COL22A1: variants seen among roughly 807,000 people sequenced by gnomAD.
COL22A1 encodes collagen alpha-1(XXII) chain.
A neutral mutation model predicts 248.9 loss-of-function variants in COL22A1; 221 were observed. That is an observed-to-expected ratio of 0.89 (90% CI 0.80 to 0.99). COL22A1 has a LOEUF of 0.99. COL22A1 is among the 50% of genes least tolerant of loss of function. The pLI is 0.00. For synonymous variants in COL22A1, 891 were observed against 793.4 expected (o/e 1.12, Z -2.07); for missense variants, 2,240 against 2,179.0 (o/e 1.03, Z -0.56).
At chr8:138,626,744 C>T (rs1403879649) in intron 50 of COL22A1, among the ~76,000 whole-genome samples, 3 of 152,252 alleles carry the variant, frequency 2.0e-5, no homozygotes, top group South Asian at 2.1e-4. Context: ...TCCAGAGGCT[C>T]CTACATGTTT....
chr8:138,734,884 GA>G (rs1830990407), intron 23 of COL22A1, among the ~76,000 whole-genome samples: 1 of 152,190 alleles, frequency 6.6e-6, no homozygotes, highest in African/African-American at 2.4e-5. Context: ...GATGAAGCTG[GA>G]AATCATCATT....
chr8:138,705,821 A>C (rs1352113280), intron 30 of COL22A1, among the ~76,000 whole-genome samples: 2 of 152,232 alleles, frequency 1.3e-5, no homozygotes, highest in Admixed American at 6.5e-5. Flanking sequence ...GCTCCAATTA[A>C]AAGACACAGA....
intron 62 of COL22A1, among the ~76,000 whole-genome samples, chr8:138,595,077 G>T (rs1285995026): frequency 6.6e-6 from 1 of 152,028 alleles, no homozygotes; most frequent in African/African-American, 2.4e-5. Flanking sequence ...CTGCTATTTT[G>T]CAGACAGTGT....
intron 30 of COL22A1, among the ~76,000 whole-genome samples, chr8:138,709,679 C>T (rs1828786847): frequency 6.6e-6 from 1 of 151,732 alleles, no homozygotes; most frequent in Non-Finnish European, 1.5e-5. Context: ...GGAGATATAC[C>T]TAATGTAAAT....
In COL22A1 at chr8:138,613,857, C is replaced by T. The variant is rs778061080; in HGVS notation, c.3978+10G>A. On this transcript the variant is annotated intron_variant, in intron 56 of 64. Coordinates refer to ENST00000303045, the MANE Select transcript of COL22A1 (RefSeq NM_152888.3). ...AACATGAAGCACATTAGTCGCAAAG[C>T]AAAACTCACCGGTGGGCCCCTTGGT... The T allele has an allele frequency of 6.2e-7, 1 of 1,613,270 alleles. No individual in the cohort carries two copies. Among genetic ancestry groups the T allele is most frequent in the South Asian group, 1.1e-5 (1 of 91,066 alleles).
intron 47 of COL22A1, among the ~76,000 whole-genome samples, chr8:138,644,896 G>A (rs574532716): frequency 9.9e-5 from 15 of 152,260 alleles, no homozygotes; most frequent in South Asian, 6.2e-4. Context: ...TGGGACGGAC[G>A]GCCCGCAAGT....
At chr8:138,753,833 G>T (rs917077295) in intron 21 of COL22A1, among the ~76,000 whole-genome samples, 1 of 152,190 alleles carries the variant, frequency 6.6e-6, no homozygotes, top group South Asian at 2.1e-4. Context: ...CTCAGGAAGA[G>T]GCCAAGAAGT....
intron 30 of COL22A1, among the ~76,000 whole-genome samples, chr8:138,713,363 G>A (rs1306530044): frequency 6.6e-6 from 1 of 152,118 alleles, no homozygotes; most frequent in South Asian, 2.1e-4. Context: ...TAAACTGGGG[G>A]TTAAGACGAA....
At chr8:138,668,399 C>T (rs967408378) in intron 41 of COL22A1, among the ~76,000 whole-genome samples, 13 of 151,812 alleles carry the variant, frequency 8.6e-5, no homozygotes, top group East Asian at 1.9e-4. Flanking sequence ...TATATATACA[C>T]ACACACACAC....
At chr8:138,793,548 T>C (rs1816246801) in intron 12 of COL22A1, among the ~76,000 whole-genome samples, 1 of 152,196 alleles carries the variant, frequency 6.6e-6, no homozygotes, top group Admixed American at 6.5e-5. Flanking sequence ...ACTCAGACTT[T>C]GCTAAAAATA....
At chr8:138,778,240 G>A (rs1294508969) in intron 15 of COL22A1, 113 bp downstream of exon 15, 3 of 1,165,486 alleles carry the variant, frequency 2.6e-6, no homozygotes, top group Non-Finnish European at 3.8e-6. Flanking sequence ...ATTGGCATCA[G>A]TAAGGCAAAA....
intron 30 of COL22A1, among the ~76,000 whole-genome samples, chr8:138,708,131 A>C (rs1201801157): frequency 6.6e-6 from 1 of 152,204 alleles, no homozygotes; most frequent in Non-Finnish European, 1.5e-5. Context: ...TCAAGGAAAT[A>C]AAAGAGGACA....
intron 12 of COL22A1, among the ~76,000 whole-genome samples, chr8:138,784,042 T>A (rs991994056): frequency 1.3e-5 from 2 of 152,154 alleles, no homozygotes; most frequent in African/African-American, 4.8e-5. Flanking sequence ...GGCTGTTCAT[T>A]CTTAAACTTG....
chr8:138,773,443 T>G (rs28680934), intron 16 of COL22A1, among the ~76,000 whole-genome samples: 12,513 of 150,318 alleles, frequency 0.083, 1,611 homozygotes, highest in African/African-American at 0.29. Context: ...TCCTTTGGAG[T>G]GGGGGGTCCC....
chr8:138,850,771 C>G (rs879375128), intron 3 of COL22A1, among the ~76,000 whole-genome samples: 5 of 152,314 alleles, frequency 3.3e-5, no homozygotes, highest in South Asian at 2.1e-4. Flanking sequence ...TCAGTTGCCC[C>G]CTGTGTGTCT....
At chr8:138,611,114 TTGCACTCATCAAGAATTTGATCGC>T (rs1818824890) in intron 56 of COL22A1, among the ~76,000 whole-genome samples, 1 of 152,194 alleles carries the variant, frequency 6.6e-6, no homozygotes, top group Non-Finnish European at 1.5e-5. Flanking sequence ...TTGAATGTGT[TTGCACTCATCAAGAATTTGATCGC>T]TGCCCTATGC....
At chr8:138,836,943 T>C (rs1820483596) in intron 4 of COL22A1, among the ~76,000 whole-genome samples, 1 of 152,190 alleles carries the variant, frequency 6.6e-6, no homozygotes, top group South Asian at 2.1e-4. Flanking sequence ...TGGGCATCTA[T>C]TATGTTTAAC....
intron 16 of COL22A1, among the ~76,000 whole-genome samples, chr8:138,773,143 C>G (rs1834528258): frequency 6.6e-6 from 1 of 152,248 alleles, no homozygotes; most frequent in South Asian, 2.1e-4. Flanking sequence ...CTTTCCTGGA[C>G]TGCTGGCTCA....
intron 5 of COL22A1, among the ~76,000 whole-genome samples, chr8:138,831,301 G>A (rs1269317863): frequency 6.6e-6 from 1 of 152,124 alleles, no homozygotes; most frequent in Non-Finnish European, 1.5e-5. Context: ...CTCCTTACGG[G>A]CTGTTGACTC....
Sources: allele counts gnomAD v4.1 joint callset (sites outside exome capture counted in the v4.1 genomes callset), GRCh38; gene constraint gnomAD v4.1.1; transcripts MANE v1.5; gene names NCBI Gene and HGNC (gene_info 2026-07-23, HGNC 2026-07-21).